Variants in DLC1 observed in about 807,000 individuals in gnomAD.
DLC1 encodes the protein DLC1 Rho GTPase activating protein, also known as rho GTPase-activating protein 7.
A neutral mutation model predicts 140.3 loss-of-function variants in DLC1; 54 were observed. The observed-to-expected ratio is 0.38, with a 90% CI of 0.31 to 0.48. The LOEUF is 0.48. Ranked by LOEUF, DLC1 falls within the 20% of genes least tolerant of loss-of-function variation. DLC1 has a pLI of 0.96. For missense variants in DLC1, 2,536 were observed against 1,907.0 expected (o/e 1.33, Z -6.14); for synonymous variants, 986 against 728.1 (o/e 1.35, Z -5.70).
intron 2 of DLC1, among the ~76,000 whole-genome samples, chr8:13,433,654 T>G (rs985425141): frequency 3.3e-5 from 5 of 152,254 alleles, no homozygotes; most frequent in Admixed American, 1.3e-4. Context: ...ATAGGTAGGC[T>G]GATATCTTTA....
intron 5 of DLC1, among the ~76,000 whole-genome samples, chr8:13,239,609 A>T (rs1829456048): frequency 1.3e-5 from 2 of 152,176 alleles, no homozygotes; most frequent in Admixed American, 1.3e-4. Flanking sequence ...CTAAGCAACC[A>T]ACGAAAAAAT....
intron 5 of DLC1, among the ~76,000 whole-genome samples, chr8:13,244,766 C>T (rs1404813094): frequency 6.6e-6 from 1 of 152,106 alleles, no homozygotes; most frequent in Non-Finnish European, 1.5e-5. Flanking sequence ...ACATGCCCCT[C>T]TACTGTGATC....
At chr8:13,281,391 C>G (rs1057101036) in intron 5 of DLC1, among the ~76,000 whole-genome samples, 4 of 152,154 alleles carry the variant, frequency 2.6e-5, no homozygotes, top group African/African-American at 9.7e-5. Context: ...TGATGATTTT[C>G]TTCAAATTGA....
intron 7 of DLC1, among the ~76,000 whole-genome samples, chr8:13,103,660 G>A (rs1227967290): frequency 6.6e-6 from 1 of 151,800 alleles, no homozygotes; most frequent in South Asian, 2.1e-4. Flanking sequence ...CCAACATGGC[G>A]AAACCCCAAC....
At chr8:13,501,711 C>A (rs912573500) in intron 1 of DLC1, among the ~76,000 whole-genome samples, 2 of 152,144 alleles carry the variant, frequency 1.3e-5, no homozygotes, top group African/African-American at 4.8e-5. Context: ...TTTCTGGATA[C>A]TATTTGGTTC....
At chr8:13,457,062 T>C (rs1799422034) in intron 2 of DLC1, among the ~76,000 whole-genome samples, 1 of 152,202 alleles carries the variant, frequency 6.6e-6, no homozygotes, top group African/African-American at 2.4e-5. Context: ...ATCTTTGTTT[T>C]TGATTCAATT....
intron 5 of DLC1, chr8:13,214,367 C>T (rs1357886049): frequency 3.1e-5 from 11 of 358,880 alleles, no homozygotes; most frequent in South Asian, 7.7e-5. Flanking sequence ...TTTTAGCTTT[C>T]GGGACCCTGT....
chr8:13,496,785 CCTTTTT>C (rs1463536998), intron 2 of DLC1, among the ~76,000 whole-genome samples: 10 of 8,644 alleles, frequency 1.2e-3, no homozygotes, highest in Admixed American at 4.9e-3. Context: ...TAGACCATTT[CCTTTTT>C]TTTTTTTTTT....
intron 2 of DLC1, among the ~76,000 whole-genome samples, chr8:13,443,246 C>G (rs1190240243): frequency 2.0e-5 from 3 of 150,788 alleles, no homozygotes; most frequent in Non-Finnish European, 4.4e-5. Context: ...GGAGATATAC[C>G]TAAGGTTAAA....
At chr8:13,321,001 A>T (rs905733493) in intron 4 of DLC1, among the ~76,000 whole-genome samples, 1 of 152,166 alleles carries the variant, frequency 6.6e-6, no homozygotes, top group Non-Finnish European at 1.5e-5. Flanking sequence ...CCAGATGCAG[A>T]TGCCAGCACC....
chr8:13,245,908 G>A (rs1030378607), intron 5 of DLC1, among the ~76,000 whole-genome samples: 1 of 151,886 alleles, frequency 6.6e-6, no homozygotes, highest in Non-Finnish European at 1.5e-5. Context: ...CACCATGTTG[G>A]ACAGGCTGGT....
At chr8:13,088,439 A>G (rs1817750424) in intron 16 of DLC1, 48 bp downstream of exon 16, 1 of 1,584,966 alleles carries the variant, frequency 6.3e-7, no homozygotes, top group Non-Finnish European at 8.7e-7. Context: ...GGCTTGGTTC[A>G]TATATGGAGT....
In DLC1 at chr8:13,217,085, C is replaced by T. The variant is rs533110187; in HGVS notation, c.1348+88184G>A. 2.6e-4 allele frequency among the ~76,000 whole-genome samples: 39 copies of T among 152,226 alleles called. No homozygotes were observed. The South Asian group carries it at 6.2e-3, about 24-fold the overall frequency. On this transcript the variant is annotated intron_variant, in intron 5 of 17. Coordinates refer to ENST00000276297, the MANE Select transcript of DLC1 (RefSeq NM_182643.3). ...TGGAGCCAGCAATCACATCTTAATA[C>T]TCCTGGTTAATTTTGAGTTGTACAG... is the stretch of plus-strand genomic sequence containing the variant.
At chr8:13,233,279 A>G (rs1341292426) in intron 5 of DLC1, among the ~76,000 whole-genome samples, 2 of 133,106 alleles carry the variant, frequency 1.5e-5, no homozygotes, top group African/African-American at 5.6e-5. Context: ...TGGGCGATAG[A>G]ATAAGACTCT....
In DLC1 at chr8:13,572,108, G is replaced by A. The variant is rs1254422840; in HGVS notation, c.-126+32429C>T. Among the ~76,000 whole-genome samples, 179 of 43,232 alleles carry A rather than the reference G, an allele frequency of 4.1e-3. 1 individual carries two copies. Among genetic ancestry groups the A allele is most frequent in the Non-Finnish European group, 4.4e-3 (83 of 18,952 alleles). The allele number at this position is 43,232 out of a possible 152,430, so 28.4% of individuals were successfully genotyped here. On this transcript the variant is annotated intron_variant, in intron 1 of 1. Coordinates refer to the DLC1 transcript ENST00000631382. ...TTATTATTATTTATTTTTTTTTTTT[G>A]AGATGGAGTCTCACTCTGTCACCCA...
At chr8:13,427,877 C>T (rs1032711495) in intron 2 of DLC1, among the ~76,000 whole-genome samples, 1 of 152,212 alleles carries the variant, frequency 6.6e-6, no homozygotes, top group East Asian at 1.9e-4. Context: ...ATGTCTTCTT[C>T]TGACTTTGTA....
chr8:13,099,688 C>T lies in DLC1; in HGVS notation c.2649G>A (p.Pro883=), dbSNP rs371200708. ...SSRLSIYDNV[P]GSILYSSSGD... ...CTGAACTGGAGTAGAGGATGGAGCCCGGCACGTTGTCGTAGATGCTCAGGC... is the reference window on the plus strand; with the variant it reads ...CTGAACTGGAGTAGAGGATGGAGCCTGGCACGTTGTCGTAGATGCTCAGGC... The change falls in exon 9 of 18, where the codon CCG becomes CCA. Residue 883 remains proline, a synonymous_variant. Transcript: ENST00000276297. The T allele has an allele frequency of 1.1e-5, 17 of 1,614,148 alleles. No homozygotes were observed. In the African/African-American group the frequency reaches 1.5e-4, roughly 14 times the overall value.
At chr8:13,106,667 G>T (rs1202234163) in intron 7 of DLC1, among the ~76,000 whole-genome samples, 1 of 152,222 alleles carries the variant, frequency 6.6e-6, no homozygotes, top group Non-Finnish European at 1.5e-5. Flanking sequence ...ACCAGAAATT[G>T]TGACAAAGTT....
At chr8:13,218,985 T>TATA (rs1204744995) in intron 5 of DLC1, among the ~76,000 whole-genome samples, 1 of 123,506 alleles carries the variant, frequency 8.1e-6, no homozygotes, top group African/African-American at 3.2e-5. Context: ...TATATAACTA[T>TATA]ATAATTATAT....
Sources: allele counts gnomAD v4.1 joint callset (sites outside exome capture counted in the v4.1 genomes callset), GRCh38; gene constraint gnomAD v4.1.1; transcripts MANE v1.5; gene names NCBI Gene and HGNC (gene_info 2026-07-23, HGNC 2026-07-21).